Variants in ZNF208 observed in about 807,000 individuals in gnomAD.
The protein encoded by ZNF208 is zinc finger protein 95.
A neutral mutation model predicts 12.1 loss-of-function variants in ZNF208; 10 were observed. The observed-to-expected ratio is 0.83, with a 90% CI of 0.51 to 1.40. The LOEUF is 1.40. Ranked by LOEUF, ZNF208 falls within the 40% of genes most tolerant of loss-of-function variation. The probability of loss-of-function intolerance (pLI) is 0.00; values close to 1 mark genes in which losing one functional copy is unlikely to be tolerated. For missense variants in ZNF208, 1,652 were observed against 1,485.0 expected (o/e 1.11, Z -1.85); for synonymous variants, 497 against 488.4 (o/e 1.02, Z -0.23).
At chr19:21,963,729 TAA>T (rs1970116215), downstream of ZNF208, among the ~76,000 whole-genome samples, 2 of 152,132 alleles carry the variant, frequency 1.3e-5, no homozygotes, top group South Asian at 2.1e-4. Flanking sequence ...CTGAAAAAAA[TAA>T]GTCTTCTCTT....
chr19:22,004,299 T>C (rs1971006917), intron 1 of ZNF208, among the ~76,000 whole-genome samples: 2 of 152,134 alleles, frequency 1.3e-5, no homozygotes, highest in Admixed American at 1.3e-4. Flanking sequence ...GCAGATCACC[T>C]GAAGTAAGGA....
At chr19:21,984,657 T>A (rs1428236531) in intron 3 of ZNF208, among the ~76,000 whole-genome samples, 1 of 152,212 alleles carries the variant, frequency 6.6e-6, no homozygotes, top group African/African-American at 2.4e-5. Flanking sequence ...TGTAAAGATG[T>A]TCATCCTATT....
At chr19:21,965,851 A>G (rs1488903216), downstream of ZNF208, 11 of 152,084 alleles carry the variant, frequency 7.2e-5, no homozygotes, top group Non-Finnish European at 1.6e-4. Flanking sequence ...GAGTACAGTA[A>G]CAAATTAAGT....
intron 1 of ZNF208, among the ~76,000 whole-genome samples, chr19:21,992,966 CCTT>C (rs1260662827): frequency 2.0e-5 from 3 of 152,096 alleles, no homozygotes; most frequent in Admixed American, 2.0e-4. Context: ...TCCTTCTCCT[CCTT>C]CTCTAGGATT....
chr19:21,959,181 T>C (rs6511302), intron 4 of ZNF208, among the ~76,000 whole-genome samples: 7,046 of 152,206 alleles, frequency 0.046, 554 homozygotes, highest in African/African-American at 0.16. Flanking sequence ...GAAAAGTGCA[T>C]ATTTAAATTT....
intron 4 of ZNF208, among the ~76,000 whole-genome samples, chr19:21,959,008 G>A (rs113649838): frequency 9.9e-5 from 15 of 151,928 alleles, no homozygotes; most frequent in East Asian, 1.9e-4. Context: ...CTTGAACTTC[G>A]GAGGCTGAGA....
Position 21,971,811 on chromosome 19 carries a change from G to C in ZNF208, c.3223C>G (p.His1075Asp). 2 of 1,613,750 alleles carry C rather than the reference G, an allele frequency of 1.2e-6. No homozygotes were observed. The highest frequency in any genetic ancestry group is 1.7e-6 in the Non-Finnish European group (2 of 1,179,874). Residue 1075 changes from histidine (H) to aspartate (D), a missense_variant, in exon 4 of 4, where the codon CAT becomes GAT. Coordinates refer to ENST00000397126, the MANE Select transcript of ZNF208 (RefSeq NM_007153.3). ...TCCTCTCCAGCATGAGTTGCCTTAT[G>C]TTCAGTAAGTCTTGAGGGCCAGCTG... Reference protein sequence around the residue: ...AFSWPSRLTEHKATHAGEEPY... With the variant: ...AFSWPSRLTEDKATHAGEEPY...
rs546278142 is a variant in ZNF208 at position 22,003,527 on chromosome 19, C to T, written c.3+7265G>A. ...AGACCAAAAAAAAACATGAAAAAGA[C>T]GTTTGTCTTCAAAAGGAGACAAACA... On this transcript the variant is annotated intron_variant, in intron 1 of 3. Transcript: ENST00000397126. Among the ~76,000 whole-genome samples the T allele has an allele frequency of 5.8e-4, 86 of 148,844 alleles. 2 individuals are homozygous for T. Among genetic ancestry groups the T allele is most frequent in the East Asian group, 2.0e-4 (1 of 5,034 alleles).
At chr19:21,975,993 T>TA (rs11406172) in intron 3 of ZNF208, among the ~76,000 whole-genome samples, 24,124 of 151,970 alleles carry the variant, frequency 0.16, 2,077 homozygotes, top group Admixed American at 0.22. Context: ...AAGCAGTTTT[T>TA]ACCACTGAAA....
In ZNF208 at chr19:21,967,269, C is replaced by T. The variant is rs1485881244; in HGVS notation, c.*3922G>A. ...ACAGTTTTCTTCCACATATGACTAA[C>T]CAGTTTTCCCAGTATTACTTACTAA... is the stretch of plus-strand genomic sequence containing the variant. On this transcript the variant is annotated 3_prime_UTR_variant, in exon 4 of 4. Transcript: ENST00000397126. The T allele has an allele frequency of 6.6e-6, 1 of 151,340 alleles. No homozygotes were observed. 9.4% of individuals were successfully genotyped at this position (151,340 alleles called of 1,614,324 possible).
chr19:21,982,687 C>T (rs187149940), intron 3 of ZNF208, among the ~76,000 whole-genome samples: 2 of 152,188 alleles, frequency 1.3e-5, no homozygotes, highest in East Asian at 3.9e-4. Context: ...TGGAACAGAA[C>T]AAAGGCCTCA....
At chr19:21,976,992 G>A (rs1157451576) in intron 3 of ZNF208, among the ~76,000 whole-genome samples, 3 of 152,342 alleles carry the variant, frequency 2.0e-5, no homozygotes, top group South Asian at 2.1e-4. Context: ...AATGAGAGCA[G>A]AAGAGGTCAA....
At chr19:22,005,761 A>G (rs1439668803) in intron 1 of ZNF208, among the ~76,000 whole-genome samples, 2 of 152,242 alleles carry the variant, frequency 1.3e-5, no homozygotes, top group Non-Finnish European at 2.9e-5. Flanking sequence ...TTCAAATAAA[A>G]TATACAACCC....
intron 1 of ZNF208, among the ~76,000 whole-genome samples, chr19:22,010,057 C>T (rs1229227799): frequency 6.6e-6 from 1 of 151,832 alleles, no homozygotes; most frequent in Admixed American, 6.6e-5. Flanking sequence ...TGGTGGCGGG[C>T]GGCTGTAGTC....
chr19:21,948,996 C>A (rs1370283839), intron 4 of ZNF208, among the ~76,000 whole-genome samples: 1 of 152,152 alleles, frequency 6.6e-6, no homozygotes, highest in African/African-American at 2.4e-5. Flanking sequence ...TTGCAAAGAA[C>A]CACAATCAAG....
intron 3 of ZNF208, among the ~76,000 whole-genome samples, chr19:21,977,929 G>C (rs1261726413): frequency 6.6e-6 from 1 of 152,148 alleles, no homozygotes; most frequent in Non-Finnish European, 1.5e-5. Flanking sequence ...GGCTTGAGTA[G>C]GCAGCTTTAC....
chr19:22,010,578 A>G (rs1290434550), intron 1 of ZNF208, among the ~76,000 whole-genome samples: 42 of 152,200 alleles, frequency 2.8e-4, no homozygotes, highest in Non-Finnish European at 2.8e-4. Flanking sequence ...CCAGGGCACA[A>G]TCACAGCGCA....
In ZNF208 at chr19:21,971,931, C is replaced by T. The variant is rs762166538; in HGVS notation, c.3103G>A (p.Asp1035Asn). 1 of 1,576,612 alleles carries T rather than the reference C, an allele frequency of 6.3e-7. No individual in the cohort carries two copies. The highest frequency in any genetic ancestry group is 8.6e-7 in the Non-Finnish European group (1 of 1,156,672). Reference protein sequence around the residue: ...GETPYKCEECDKAFSWPSSLT... With the variant: ...GETPYKCEECNKAFSWPSSLT... ...CTTGAGGGCCAGCTGAAGGCTTTGT[C>T]ACATTCTTCACATTTGTAGGGTGTC... The change falls in exon 4 of 4, where the codon GAC (aspartate) becomes AAC (asparagine). Residue 1035 changes from aspartate (D) to asparagine (N), a missense_variant. Transcript: ENST00000397126.
At chr19:21,990,651 G>A (rs1970716705) in intron 1 of ZNF208, among the ~76,000 whole-genome samples, 1 of 152,146 alleles carries the variant, frequency 6.6e-6, no homozygotes, top group Non-Finnish European at 1.5e-5. Flanking sequence ...TAGCTTGATG[G>A]AGATGGCATT....
Sources: allele counts gnomAD v4.1 joint callset (sites outside exome capture counted in the v4.1 genomes callset), GRCh38; gene constraint gnomAD v4.1.1; transcripts MANE v1.5; gene names NCBI Gene and HGNC (gene_info 2026-07-23, HGNC 2026-07-21).